The following ADGRA1 variants were observed in gnomAD, a reference collection of about 807,000 sequenced individuals.
ADGRA1 encodes adhesion G protein-coupled receptor A1.
Under a neutral mutation model 21.3 loss-of-function variants are expected in ADGRA1, and 12 were observed. The observed-to-expected ratio is 0.56, with a 90% CI of 0.36 to 0.91. The LOEUF (loss-of-function observed/expected upper bound fraction) is 0.91. Among genes scored for constraint, ADGRA1 ranks in the 40% least tolerant of loss-of-function variants. The probability of loss-of-function intolerance (pLI) is 0.01; values close to 1 mark genes in which losing one functional copy is unlikely to be tolerated. For missense variants in ADGRA1, 790 were observed against 805.6 expected, an observed-to-expected ratio of 0.98 and a Z score of 0.23; for synonymous variants, 385 against 368.8, an observed-to-expected ratio of 1.04 and a Z score of -0.50.
chr10:133,121,442 TGCGTGTGC>T (rs1191678201), intron 5 of ADGRA1, among the ~76,000 whole-genome samples: 11 of 150,114 alleles, frequency 7.3e-5, no homozygotes, highest in African/African-American at 1.5e-4. Context: ...TGTGCGTGTG[TGCGTGTGC>T]GTGGAGTGTG....
At position 133,129,728 on chromosome 10, in the gene ADGRA1, C is replaced by T; in HGVS notation, c.*217C>T. The T allele has an allele frequency of 2.7e-6, 1 of 377,278 alleles. No individual in the cohort carries two copies. Among genetic ancestry groups the T allele is most frequent in the Non-Finnish European group, 4.9e-6 (1 of 205,244 alleles). The allele number at this position is 377,278 out of a possible 1,614,324, so 23.4% of individuals were successfully genotyped here. On this transcript the variant is annotated 3_prime_UTR_variant, in exon 7 of 7. Transcript: ENST00000392607. ...ACCCCTGCCCCTTCCTTGTGAAAGA[C>T]CTCAGCGGGGAAACGCTCCGGGCCA...
At chr10:133,122,982 G>C (rs1490154399) in intron 5 of ADGRA1, among the ~76,000 whole-genome samples, 1 of 152,188 alleles carries the variant, frequency 6.6e-6, no homozygotes, top group Non-Finnish European at 1.5e-5. Context: ...TCCTGTAACC[G>C]TCGGTAGCTG....
chr10:133,114,150 G>C (rs1178450261), intron 5 of ADGRA1, among the ~76,000 whole-genome samples: 1 of 152,222 alleles, frequency 6.6e-6, no homozygotes, highest in Non-Finnish European at 1.5e-5. Context: ...ACAGCACCAA[G>C]CCCAGTGCCC....
intron 1 of ADGRA1, 107 bp downstream of exon 1, chr10:133,088,245 G>A (rs890765614): frequency 2.6e-5 from 11 of 419,960 alleles, no homozygotes; most frequent in Admixed American, 6.4e-5. Context: ...AAGCAGCTCC[G>A]AGTAACTTTC....
At chr10:133,092,596 T>A (rs1013427848) in intron 2 of ADGRA1, among the ~76,000 whole-genome samples, 2 of 152,060 alleles carry the variant, frequency 1.3e-5, no homozygotes, top group Non-Finnish European at 2.9e-5. Context: ...AATTATTATT[T>A]AAAAGGCAGA....
At position 133,129,912 on chromosome 10, in the gene ADGRA1, G is replaced by A; in HGVS notation, c.*401G>A. The A allele has an allele frequency of 1.1e-5, 2 of 184,718 alleles. No homozygotes were observed. The highest frequency in any genetic ancestry group is 1.1e-5 in the Non-Finnish European group (1 of 88,568). 11.4% of individuals were successfully genotyped at this position (184,718 alleles called of 1,614,324 possible). On this transcript the variant is annotated 3_prime_UTR_variant, in exon 7 of 7. Coordinates refer to ENST00000392607, the MANE Select transcript of ADGRA1 (RefSeq NM_001083909.3). ...AGCATGGCCCTGCCCGAGATGCCCT[G>A]CTGCCCACGGAGTCCTGGCTTCCCC...
chr10:133,090,198 G>A (rs942116157), intron 2 of ADGRA1, among the ~76,000 whole-genome samples: 11 of 152,194 alleles, frequency 7.2e-5, no homozygotes, highest in African/African-American at 2.4e-4. Context: ...GCCCTTCTGC[G>A]AACAACTGTG....
chr10:133,095,679 C>T, intron 2 of ADGRA1: 1 of 1,597,200 alleles, frequency 6.3e-7, no homozygotes, highest in Non-Finnish European at 8.5e-7. Flanking sequence ...TGGACACTCT[C>T]TAGCCAGCCA....
chr10:133,108,012 T>A (rs1244287188), intron 5 of ADGRA1, among the ~76,000 whole-genome samples: 1 of 152,252 alleles, frequency 6.6e-6, no homozygotes, highest in Non-Finnish European at 1.5e-5. Flanking sequence ...ACCCTGCACA[T>A]CCTGCTGTGT....
At chr10:133,092,810 G>T (rs1851621280) in intron 2 of ADGRA1, among the ~76,000 whole-genome samples, 1 of 127,496 alleles carries the variant, frequency 7.8e-6, no homozygotes, top group African/African-American at 3.2e-5. Context: ...AGGGAGGGAA[G>T]GGAGGGAAGG....
In ADGRA1 at chr10:133,111,992, T is replaced by TCCCACCA. The variant is rs1564849744; in HGVS notation, c.401+9150_401+9151insCCCACCA. 1.7e-4 allele frequency among the ~76,000 whole-genome samples: 17 copies of TCCCACCA among 101,760 alleles called. 5 individuals are homozygous for TCCCACCA. The highest frequency in any genetic ancestry group is 3.6e-4 in the South Asian group (1 of 2,796). The allele number at this position is 101,760 out of a possible 152,430, so 66.8% of individuals were successfully genotyped here. The stretch of plus-strand genomic sequence containing the variant: ...CCCACCACAGGCACCTCCCTCCTAA[T>TCCCACCA]GCCTCCAGACCACCTGCCCACCACA... On this transcript the variant is annotated intron_variant, in intron 5 of 6. Coordinates refer to ENST00000392607, the MANE Select transcript of ADGRA1 (RefSeq NM_001083909.3).
At chr10:133,125,071 G>A (rs540646726) in intron 5 of ADGRA1, among the ~76,000 whole-genome samples, 1 of 152,346 alleles carries the variant, frequency 6.6e-6, no homozygotes, top group South Asian at 2.1e-4. Flanking sequence ...TACTTTGCCG[G>A]GCATCCGTGT....
chr10:133,093,157 T>C (rs1310809033), intron 2 of ADGRA1: 1 of 1,595,810 alleles, frequency 6.3e-7, no homozygotes, highest in East Asian at 2.2e-5. Context: ...GCTGCAGACC[T>C]GGCCCCGGAC....
intron 5 of ADGRA1, among the ~76,000 whole-genome samples, chr10:133,122,042 A>C (rs1852279034): frequency 6.6e-6 from 1 of 151,660 alleles, no homozygotes; most frequent in Non-Finnish European, 1.5e-5. Context: ...AGTGTGTGAG[A>C]GTGGGGGGGC....
At position 133,128,964 on chromosome 10, in the gene ADGRA1, C is replaced by G; in HGVS notation, c.1136C>G (p.Pro379Arg). ...AAQGHASCLS[P>R]ATPCCAKMHC... is the part of the protein sequence containing the mutation. ...CAGGGCCACGCCAGTTGCCTGTCAC[C>G]GGCCACCCCGTGCTGCGCCAAGATG... Residue 379 changes from proline (P) to arginine (R), a missense_variant, in exon 7 of 7, where the codon CCG becomes CGG. This residue lies in a region of ADGRA1 where 391 missense variants were observed against 351.5 expected (regional missense o/e 1.11). Coordinates refer to ENST00000392607, the MANE Select transcript of ADGRA1 (RefSeq NM_001083909.3). 1 of 1,555,640 alleles carries G rather than the reference C, an allele frequency of 6.4e-7. No individual in the cohort carries two copies. The highest frequency in any genetic ancestry group is 8.7e-7 in the Non-Finnish European group (1 of 1,152,132).
At chr10:133,092,921 G>A (rs965464221) in intron 2 of ADGRA1, 1 of 1,549,602 alleles carries the variant, frequency 6.5e-7, no homozygotes, top group East Asian at 2.4e-5. Flanking sequence ...AGGAGGACTG[G>A]AAGCACCTGG....
At chr10:133,092,733 G>T (rs1429406390) in intron 2 of ADGRA1, among the ~76,000 whole-genome samples, 2 of 143,342 alleles carry the variant, frequency 1.4e-5, no homozygotes, top group African/African-American at 5.2e-5. Context: ...CCTGAATGAA[G>T]AAGGAGAAAT....
intron 5 of ADGRA1, among the ~76,000 whole-genome samples, chr10:133,114,253 G>A (rs1470156343): frequency 2.0e-5 from 3 of 152,208 alleles, no homozygotes; most frequent in African/African-American, 7.2e-5. Flanking sequence ...TCCAGGGATG[G>A]TACCTCGAGG....
chr10:133,101,264 G>C (rs574026052), intron 4 of ADGRA1, among the ~76,000 whole-genome samples: 1 of 152,332 alleles, frequency 6.6e-6, no homozygotes, highest in Non-Finnish European at 1.5e-5. Flanking sequence ...CGGGGCCACA[G>C]CTCAGCACTG....
Sources: allele counts gnomAD v4.1 joint callset (sites outside exome capture counted in the v4.1 genomes callset), GRCh38; gene constraint gnomAD v4.1.1; regional missense constraint gnomAD v4.1.1; transcripts MANE v1.5; gene names NCBI Gene and HGNC (gene_info 2026-07-23, HGNC 2026-07-21).